PLA2G4C: variants seen among roughly 807,000 people sequenced by gnomAD.
PLA2G4C encodes the protein phospholipase A2 group IVC.
PLA2G4C carries 64 observed loss-of-function variants against 73.8 expected under a neutral mutation model. The observed-to-expected ratio is 0.87, with a 90% CI of 0.71 to 1.07. The LOEUF (loss-of-function observed/expected upper bound fraction) is 1.07, where lower values mean the gene tolerates loss of function less well. PLA2G4C is among the 50% of genes least tolerant of loss of function. The probability of loss-of-function intolerance (pLI) is 0.00; values close to 1 mark genes in which losing one functional copy is unlikely to be tolerated. For synonymous variants in PLA2G4C, 254 were observed against 252.1 expected (o/e 1.01, Z -0.07); for missense variants, 622 against 665.4 (o/e 0.93, Z 0.72).
At chr19:48,105,100 A>AG (rs2088731736) in intron 3 of PLA2G4C, among the ~76,000 whole-genome samples, 1 of 142,156 alleles carries the variant, frequency 7.0e-6, no homozygotes, top group Non-Finnish European at 1.5e-5. Context: ...AAAAAAAAAA[A>AG]AAAAGAAAGA....
chr19:48,048,222 C>G lies in PLA2G4C; in HGVS notation c.*121G>C. On this transcript the variant is annotated 3_prime_UTR_variant, in exon 17 of 17. Transcript: ENST00000599921. ...CTGGTGATTGGCCCTGTTAGGACAG[C>G]CAAGGTGAACTCAAGGCCATGAAGC... 1 of 698,414 alleles carries G rather than the reference C, an allele frequency of 1.4e-6. No individual in the cohort carries two copies. The highest frequency in any genetic ancestry group is 3.0e-5 in the East Asian group (1 of 33,292). 43.3% of individuals were successfully genotyped at this position (698,414 alleles called of 1,614,324 possible).
At chr19:48,078,658 A>G (rs979862366) in intron 10 of PLA2G4C, among the ~76,000 whole-genome samples, 1 of 152,216 alleles carries the variant, frequency 6.6e-6, no homozygotes, top group Non-Finnish European at 1.5e-5. Context: ...GAATATACCT[A>G]ACCAAGGAGG....
intron 1 of PLA2G4C, among the ~76,000 whole-genome samples, chr19:48,108,348 C>T (rs115081679): frequency 0.01 from 1,551 of 152,116 alleles, 22 homozygotes; most frequent in African/African-American, 0.035. Context: ...GTTGCCCAGG[C>T]TGGTCTCATT....
intron 10 of PLA2G4C, among the ~76,000 whole-genome samples, chr19:48,082,078 C>CA (rs1334904893): frequency 6.6e-6 from 1 of 151,946 alleles, no homozygotes; most frequent in Non-Finnish European, 1.5e-5. Context: ...GAGACTGTCA[C>CA]AAAAAACAAA....
In PLA2G4C at chr19:48,067,803, G is replaced by A. The variant is rs780061588; in HGVS notation, c.1090C>T (p.Leu364=). The A allele has an allele frequency of 2.5e-6, 4 of 1,608,744 alleles. No homozygotes were observed. Among genetic ancestry groups the A allele is most frequent in the South Asian group, 2.2e-5 (2 of 90,980 alleles). The change falls in exon 13 of 17, where the codon CTG becomes TTG. Residue 364 remains leucine, a synonymous_variant. Coordinates refer to ENST00000599921, the MANE Select transcript of PLA2G4C (RefSeq NM_003706.3). ...KWEWGTTHNF[L]YKHGGIRDKI... is the part of the protein sequence containing the mutation. ...AGGGTCTTCTCACCGTGTTTGTACA[G>A]GAAGTTGTGAGTGGTCCCCCATTCC...
rs1213907276 is a variant in PLA2G4C at position 48,095,538 on chromosome 19, G to C, written c.635C>G (p.Thr212Ser). Residue 212 changes from threonine to serine, a missense_variant, in exon 7 of 17, where the codon ACC (threonine) becomes AGC (serine). By Grantham distance (58) the Thr-to-Ser change is moderately conservative. Coordinates refer to ENST00000599921, the MANE Select transcript of PLA2G4C (RefSeq NM_003706.3). ...CTTCTTGAATTTGCTTCCGAAGTGG[G>C]TTATGGAAACAAAGGCCCCCAGTGC... ...FSALGAFVSITHFGSKFKKGR... is the reference protein window; with the variant it reads ...FSALGAFVSISHFGSKFKKGR... 1.9e-6 allele frequency: 3 copies of C among 1,613,996 alleles called. No individual in the cohort carries two copies. The East Asian group carries it at 6.7e-5, about 36-fold the overall frequency.
Position 48,067,675 on chromosome 19 carries a change from C to G in PLA2G4C, c.1102+116G>C, listed in dbSNP as rs964379203. The G allele has an allele frequency of 1.7e-5, 13 of 756,816 alleles. No homozygotes were observed. The East Asian group carries it at 2.0e-4, about 11-fold the overall frequency. The allele number at this position is 756,816 out of a possible 1,614,324, so 46.9% of individuals were successfully genotyped here. A position where few individuals can be genotyped will look rare whatever the true frequency, so the allele number is the denominator to read the frequency against. On this transcript the variant is annotated intron_variant, in intron 13 of 16. Coordinates refer to ENST00000599921, the MANE Select transcript of PLA2G4C (RefSeq NM_003706.3). ...CCCTGGGCCCTTTGACACCACCCCC[C>G]TCCAAAGCTCTGGGGAAGGACCAGC...
Position 48,091,896 on chromosome 19 carries a change from AAAAAAAAAAAAAAT to A in PLA2G4C, c.710-1493_710-1480del, listed in dbSNP as rs1474576277. On this transcript the variant is annotated intron_variant, in intron 7 of 16. Transcript: ENST00000599921. The stretch of plus-strand genomic sequence containing the variant: ...GAGACTCCATCTCAAAAAAAAAAAA[AAAAAAAAAAAAAAT>A]AGACACACCCATTAGGATGGCTGGT... Among the ~76,000 whole-genome samples the A allele has an allele frequency of 6.2e-5, 9 of 145,328 alleles. 1 individual carries two copies. The highest frequency in any genetic ancestry group is 1.8e-4 in the African/African-American group (7 of 39,250).
chr19:48,049,139 G>A (rs1967628539), intron 16 of PLA2G4C, among the ~76,000 whole-genome samples: 1 of 152,078 alleles, frequency 6.6e-6, no homozygotes, highest in South Asian at 2.1e-4. Flanking sequence ...ACAGAACCAT[G>A]AGCCAAATAA....
chr19:48,088,764 A>T, intron 8 of PLA2G4C, 52 bp from the exon 9 acceptor site: 2 of 1,317,106 alleles, frequency 1.5e-6, no homozygotes, highest in Non-Finnish European at 2.2e-6. Flanking sequence ...CAAAGTCCCT[A>T]GTTATAATAT....
At chr19:48,070,469 A>G (rs902689314) in intron 12 of PLA2G4C, among the ~76,000 whole-genome samples, 50 of 152,240 alleles carry the variant, frequency 3.3e-4, no homozygotes, top group African/African-American at 8.9e-4. Flanking sequence ...ACTATTCACA[A>G]TAGCAAAGAC....
Position 48,048,221 on chromosome 19 carries a change from G to T in PLA2G4C, c.*122C>A. 2 of 695,404 alleles carry T rather than the reference G, an allele frequency of 2.9e-6. No homozygotes were observed. Among genetic ancestry groups the T allele is most frequent in the Non-Finnish European group, 4.9e-6 (2 of 407,074 alleles). The allele number at this position is 695,404 out of a possible 1,614,324, so 43.1% of individuals were successfully genotyped here. On this transcript the variant is annotated 3_prime_UTR_variant, in exon 17 of 17. Coordinates refer to ENST00000599921, the MANE Select transcript of PLA2G4C (RefSeq NM_003706.3). ...ACTGGTGATTGGCCCTGTTAGGACA[G>T]CCAAGGTGAACTCAAGGCCATGAAG...
intron 13 of PLA2G4C, chr19:48,063,685 G>T (rs1968292340): frequency 6.7e-6 from 1 of 149,954 alleles, no homozygotes; most frequent in African/African-American, 2.5e-5. Context: ...TGAAAACCTA[G>T]TTCTGGCCGT....
chr19:48,092,649 C>A (rs1263128394), intron 7 of PLA2G4C, among the ~76,000 whole-genome samples: 1 of 152,176 alleles, frequency 6.6e-6, no homozygotes. Flanking sequence ...TGAAATCAGA[C>A]AGACACAAAA....
intron 2 of PLA2G4C, among the ~76,000 whole-genome samples, chr19:48,105,937 CCCTCCCTCCCTT>C (rs1202852083): frequency 1.3e-3 from 15 of 11,960 alleles, no homozygotes; most frequent in Admixed American, 2.3e-3. Context: ...CTCCCTCCCT[CCCTCCCTCCCTT>C]CTTTCTTTCT....
intron 10 of PLA2G4C, among the ~76,000 whole-genome samples, chr19:48,081,851 C>G (rs140012476): frequency 6.6e-6 from 1 of 151,884 alleles, no homozygotes; most frequent in Non-Finnish European, 1.5e-5. Flanking sequence ...GAGGCTGAGG[C>G]GGGCAGATTG....
intron 9 of PLA2G4C, among the ~76,000 whole-genome samples, chr19:48,085,912 C>A (rs1385997938): frequency 6.6e-6 from 1 of 152,142 alleles, no homozygotes; most frequent in Admixed American, 6.5e-5. Context: ...GTGGGAAGAA[C>A]CCTGCATGCA....
chr19:48,059,715 C>G lies in PLA2G4C; in HGVS notation c.1257+2283G>C, dbSNP rs116085534. 1.9e-4 allele frequency among the ~76,000 whole-genome samples: 29 copies of G among 151,550 alleles called. No individual in the cohort carries two copies. In the South Asian group the frequency reaches 4.0e-3, roughly 21 times the overall value. On this transcript the variant is annotated intron_variant, in intron 14 of 16. Transcript: ENST00000599921. ...ACTTACACCAGTGGCTCGCCAGGGG[C>G]TCTACGGCCTTTGGCTACAGACTGA...
chr19:48,059,755 G>C (rs1162829754), intron 14 of PLA2G4C, among the ~76,000 whole-genome samples: 1 of 150,562 alleles, frequency 6.6e-6, no homozygotes, highest in Non-Finnish European at 1.5e-5. Context: ...TGCACTGTGG[G>C]CTTCCCTACT....
Sources: allele counts gnomAD v4.1 joint callset (sites outside exome capture counted in the v4.1 genomes callset), GRCh38; gene constraint gnomAD v4.1.1; transcripts MANE v1.5; gene names NCBI Gene and HGNC (gene_info 2026-07-23, HGNC 2026-07-21).